FKBP5: variants seen among roughly 807,000 people sequenced by gnomAD.
The protein encoded by FKBP5 is peptidyl-prolyl cis-trans isomerase FKBP5.
FKBP5 carries 23 observed loss-of-function variants against 50.5 expected under a neutral mutation model. The observed-to-expected ratio is 0.46, with a 90% CI of 0.33 to 0.65. The LOEUF (loss-of-function observed/expected upper bound fraction) is 0.65, where lower values mean the gene tolerates loss of function less well. FKBP5 is among the 30% of genes least tolerant of loss of function. FKBP5 has a pLI of 0.02. For missense variants in FKBP5, 411 were observed against 553.1 expected (o/e 0.74, Z 2.58); for synonymous variants, 176 against 190.6 (o/e 0.92, Z 0.63).
At chr6:35,602,927 C>T (rs1763193195) in intron 5 of FKBP5, among the ~76,000 whole-genome samples, 2 of 152,176 alleles carry the variant, frequency 1.3e-5, no homozygotes, top group African/African-American at 2.4e-5. Context: ...TCCATGAACA[C>T]CAACCCTTAC....
At position 35,666,394 on chromosome 6, in the gene FKBP5, T is replaced by TAAAAAAAAAAAAAAAAAAAAAAAAAA. The variant is rs550878351; in HGVS notation, c.-20+22409_-20+22410insTTTTTTTTTTTTTTTTTTTTTTTTTT. 2.1e-3 allele frequency among the ~76,000 whole-genome samples: 71 copies of TAAAAAAAAAAAAAAAAAAAAAAAAAA among 33,254 alleles called. 23 individuals are homozygous for TAAAAAAAAAAAAAAAAAAAAAAAAAA. Among genetic ancestry groups the TAAAAAAAAAAAAAAAAAAAAAAAAAA allele is most frequent in the East Asian group, 0.013 (11 of 824 alleles). The allele number at this position is 33,254 out of a possible 152,430, so 21.8% of individuals were successfully genotyped here. On this transcript the variant is annotated intron_variant, in intron 1 of 10. Coordinates refer to ENST00000357266, the MANE Select transcript of FKBP5 (RefSeq NM_004117.4). Reference sequence around the variant, plus strand: ...CATGCAGAAACACTACTATTATAGTTAAAAAAAAAAAAAAAAAAAAAAAAA... The same window carrying TAAAAAAAAAAAAAAAAAAAAAAAAAA: ...CATGCAGAAACACTACTATTATAGTTAAAAAAAAAAAAAAAAAAAAAAAAAAAAAAAAAAAAAAAAAAAAAAAAAAA...
intron 1 of FKBP5, among the ~76,000 whole-genome samples, chr6:35,679,384 TGGACCA>T (rs1765608155): frequency 8.5e-5 from 13 of 152,214 alleles, no homozygotes; most frequent in Admixed American, 8.5e-4. Flanking sequence ...CATAGTGAAA[TGGACCA>T]TAAAAGGGGA....
intron 2 of FKBP5, among the ~76,000 whole-genome samples, chr6:35,639,116 C>T (rs985262263): frequency 2.0e-5 from 3 of 152,150 alleles, no homozygotes; most frequent in Non-Finnish European, 2.9e-5. Flanking sequence ...CAGATAGTTA[C>T]TGAATTTCCA....
intron 5 of FKBP5, among the ~76,000 whole-genome samples, chr6:35,613,896 C>T (rs954263933): frequency 4.6e-5 from 7 of 152,094 alleles, no homozygotes; most frequent in Admixed American, 4.6e-4. Flanking sequence ...TTTGTTCTTT[C>T]TCTCTTTTTT....
At chr6:35,680,879 G>C (rs1019513226) in intron 1 of FKBP5, among the ~76,000 whole-genome samples, 2 of 152,216 alleles carry the variant, frequency 1.3e-5, no homozygotes, top group Non-Finnish European at 2.9e-5. Flanking sequence ...GCTATTGCTA[G>C]GTTTCAGTCA....
intron 2 of FKBP5, among the ~76,000 whole-genome samples, chr6:35,703,319 C>T (rs2151019378): frequency 6.6e-6 from 1 of 151,658 alleles, no homozygotes; most frequent in African/African-American, 2.4e-5. Context: ...GGCTGAGGCA[C>T]AAGAATCACT....
rs1203335100 is a variant in FKBP5 at position 35,591,190 on chromosome 6, T to C, written c.696A>G (p.Lys232=). The part of the protein sequence containing the change: ...RYGFGEAGKP[K]FGIEPNAELI... Reference sequence around the variant, plus strand: ...GCTCAGCATTAGGTTCAATGCCAAATTTAGGCTTCCCTGCCTCTCCAAAAC... The same window carrying C: ...GCTCAGCATTAGGTTCAATGCCAAACTTAGGCTTCCCTGCCTCTCCAAAAC... Residue 232 remains lysine, a synonymous_variant, in exon 7 of 11, where the codon AAA becomes AAG. Coordinates refer to ENST00000357266, the MANE Select transcript of FKBP5 (RefSeq NM_004117.4). 6 of 1,612,886 alleles carry C rather than the reference T, an allele frequency of 3.7e-6. No individual in the cohort carries two copies. Among genetic ancestry groups the C allele is most frequent in the Non-Finnish European group, 5.1e-6 (6 of 1,179,434 alleles).
intron 3 of FKBP5, among the ~76,000 whole-genome samples, chr6:35,635,026 CAAA>C (rs35794477): frequency 9.3e-5 from 7 of 75,108 alleles, no homozygotes; most frequent in Admixed American, 1.5e-4. Context: ...CCTGTCTCTA[CAAA>C]AAAAAAAAAA....
At chr6:35,678,302 C>T (rs1305448103) in intron 1 of FKBP5, among the ~76,000 whole-genome samples, 7 of 152,034 alleles carry the variant, frequency 4.6e-5, no homozygotes, top group Non-Finnish European at 1.0e-4. Context: ...AAATACGTTT[C>T]ATTTCAAGAC....
At chr6:35,577,257 T>C (rs1561840489) in intron 9 of FKBP5, 24 bp from the exon 10 acceptor site, 5 of 1,524,268 alleles carry the variant, frequency 3.3e-6, no homozygotes, top group Non-Finnish European at 4.4e-6. Flanking sequence ...GTCTATATTT[T>C]AGAAAGGACG....
chr6:35,590,356 A>G (rs187090175), intron 7 of FKBP5, among the ~76,000 whole-genome samples: 1 of 152,308 alleles, frequency 6.6e-6, no homozygotes, highest in East Asian at 1.9e-4. Flanking sequence ...CAGGAATAAA[A>G]AAGGAACACA....
At chr6:35,691,674 T>C (rs1026715751), upstream of FKBP5, among the ~76,000 whole-genome samples, 6 of 152,186 alleles carry the variant, frequency 3.9e-5, no homozygotes, top group Admixed American at 6.5e-5. Context: ...AAAACCACTC[T>C]GATCACTGCA....
intron 1 of FKBP5, among the ~76,000 whole-genome samples, chr6:35,723,760 T>C (rs1290938606): frequency 6.6e-6 from 1 of 152,212 alleles, no homozygotes; most frequent in African/African-American, 2.4e-5. Flanking sequence ...CCCTGCTTCA[T>C]CCCCTGGGGG....
At chr6:35,718,492 A>AT (rs1167621091) in intron 2 of FKBP5, among the ~76,000 whole-genome samples, 1 of 152,044 alleles carries the variant, frequency 6.6e-6, no homozygotes, top group African/African-American at 2.4e-5. Context: ...TGAATCAGGG[A>AT]TCCCTGTTCT....
intron 1 of FKBP5, among the ~76,000 whole-genome samples, chr6:35,688,267 G>A (rs1464875368): frequency 6.6e-6 from 1 of 152,178 alleles, no homozygotes; most frequent in African/African-American, 2.4e-5. Flanking sequence ...AATCCGCCCC[G>A]CGCCCGCGGC....
chr6:35,620,959 C>A (rs1236595714), intron 3 of FKBP5, among the ~76,000 whole-genome samples: 1 of 151,840 alleles, frequency 6.6e-6, no homozygotes, highest in African/African-American at 2.4e-5. Context: ...AGAGTGTGTC[C>A]TAAGGAAGCT....
At chr6:35,653,403 T>C (rs1764866435) in intron 1 of FKBP5, among the ~76,000 whole-genome samples, 2 of 152,134 alleles carry the variant, frequency 1.3e-5, no homozygotes, top group Non-Finnish European at 2.9e-5. Context: ...TTAAACAGCA[T>C]GGGATATGAG....
chr6:35,577,092 G>A lies in FKBP5; in HGVS notation c.1168C>T (p.Gln390Ter). 6.2e-7 allele frequency: 1 copy of A among 1,614,154 alleles called. No individual in the cohort carries two copies. Among genetic ancestry groups the A allele is most frequent in the Non-Finnish European group, 8.5e-7 (1 of 1,180,014 alleles). The change falls in exon 10 of 11, where the codon CAG (glutamine) becomes TAG (stop). Residue 390 changes from glutamine (Q) to a stop codon, truncating the protein, a stop_gained. Transcript: ENST00000357266. LOFTEE classifies it high-confidence loss of function. Reference sequence around the variant, plus strand: ...GCCTTTTTCTGGCACATGGAGATCTGCAGTCTTGCAGCCTTATTCTGGGGG... The same window carrying A: ...GCCTTTTTCTGGCACATGGAGATCTACAGTCTTGCAGCCTTATTCTGGGGG... ...VNPQNKAARLQISMCQKKAKE... is the reference protein window; with the variant it reads ...VNPQNKAARL
chr6:35,638,715 G>A (rs1764392472), intron 2 of FKBP5, among the ~76,000 whole-genome samples: 1 of 152,024 alleles, frequency 6.6e-6, no homozygotes, highest in African/African-American at 2.4e-5. Flanking sequence ...ATCGCACCCA[G>A]CCCCAAATAT....
Sources: allele counts gnomAD v4.1 joint callset (sites outside exome capture counted in the v4.1 genomes callset), GRCh38; gene constraint gnomAD v4.1.1; transcripts MANE v1.5; gene names NCBI Gene and HGNC (gene_info 2026-07-23, HGNC 2026-07-21).